ABCA12: variants seen among roughly 807,000 people sequenced by gnomAD.
The protein encoded by ABCA12 is ATP binding cassette subfamily A member 12.
In ABCA12, 156 loss-of-function variants were observed where a neutral mutation model predicts 293.5. That is an observed-to-expected ratio of 0.53 (90% CI 0.47 to 0.61). The LOEUF (loss-of-function observed/expected upper bound fraction) is 0.61. ABCA12 is among the 20% of genes least tolerant of loss of function. The pLI is 0.00. For missense variants in ABCA12, 2,797 were observed against 3,090.2 expected (o/e 0.91, Z 2.25); for synonymous variants, 1,063 against 1,108.0 (o/e 0.96, Z 0.81).
intron 2 of ABCA12, chr2:215,075,876 G>GA (rs914530000): frequency 6.7e-5 from 25 of 372,878 alleles, no homozygotes; most frequent in South Asian, 1.8e-4. Context: ...TCATTGTATG[G>GA]AAAAAAAATA....
chr2:215,052,665 C>A, intron 4 of ABCA12, 81 bp from the exon 5 acceptor site: 1 of 1,155,354 alleles, frequency 8.7e-7, no homozygotes, highest in Non-Finnish European at 1.3e-6. Context: ...CCATAAACAT[C>A]ACTTGTGACC....
At chr2:215,002,709 C>T (rs779501009) in intron 20 of ABCA12, among the ~76,000 whole-genome samples, 6 of 151,940 alleles carry the variant, frequency 3.9e-5, no homozygotes, top group Non-Finnish European at 5.9e-5. Context: ...TGGCCTCCAG[C>T]GGCCACTGGA....
chr2:215,022,997 G>T (rs1419728696), intron 11 of ABCA12: 3 of 152,200 alleles, frequency 2.0e-5, no homozygotes, highest in Non-Finnish European at 4.4e-5. Flanking sequence ...AAACACAAAA[G>T]TTCAAGAAGA....
intron 47 of ABCA12, 28 bp from the exon 48 acceptor site, chr2:214,947,584 T>C (rs756939478): frequency 6.2e-7 from 1 of 1,613,096 alleles, no homozygotes; most frequent in South Asian, 1.1e-5. Flanking sequence ...GGAGTTAGGT[T>C]GACCTTCCTG....
At chr2:214,992,998 T>C (rs1209621185) in intron 23 of ABCA12, among the ~76,000 whole-genome samples, 1 of 152,238 alleles carries the variant, frequency 6.6e-6, no homozygotes, top group Non-Finnish European at 1.5e-5. Context: ...AAAAAAATTA[T>C]AGCAAATGCA....
intron 19 of ABCA12, among the ~76,000 whole-genome samples, chr2:215,007,024 C>T (rs1382826153): frequency 2.0e-5 from 3 of 151,834 alleles, no homozygotes; most frequent in Admixed American, 1.3e-4. Context: ...TACAGGCGCC[C>T]GCCACCACAT....
rs1478668704 is a variant in ABCA12, at chr2:215,031,806, TAAAC to T, written c.1061+11_1061+14del. On this transcript the variant is annotated intron_variant, in intron 9 of 52. Transcript: ENST00000272895. ...GCCAAGTTATCTACCTATTTAGAAA[TAAAC>T]AAAGACTTACTGTGCAGCCAGACTG... The T allele has an allele frequency of 6.2e-7, 1 of 1,613,818 alleles. No homozygotes were observed. The highest frequency in any genetic ancestry group is 1.7e-5 in the Admixed American group (1 of 60,024).
chr2:215,083,544 C>G (rs546895375), intron 2 of ABCA12, among the ~76,000 whole-genome samples: 1 of 152,090 alleles, frequency 6.6e-6, no homozygotes, highest in Non-Finnish European at 1.5e-5. Flanking sequence ...ACAAGCAGGA[C>G]AGAATTTACA....
chr2:214,979,231 G>A lies in ABCA12; in HGVS notation c.4741-191C>T, dbSNP rs542522531. 4.3e-4 allele frequency among the ~76,000 whole-genome samples: 65 copies of A among 152,018 alleles called. 1 individual carries two copies. Among genetic ancestry groups the A allele is most frequent in the African/African-American group, 1.4e-3 (56 of 41,458 alleles). ...TACTGGCCCCATTCTCCCATGTCACGCTGTCCCTTCTCTAACCCCCTCCCT... is the reference window on the plus strand; with the variant it reads ...TACTGGCCCCATTCTCCCATGTCACACTGTCCCTTCTCTAACCCCCTCCCT... On this transcript the variant is annotated intron_variant, in intron 31 of 52. Transcript: ENST00000272895.
At chr2:215,056,040 G>A (rs772888671) in intron 3 of ABCA12, among the ~76,000 whole-genome samples, 10 of 151,990 alleles carry the variant, frequency 6.6e-5, no homozygotes, top group Non-Finnish European at 1.3e-4. Context: ...AACACATTTT[G>A]AAGACAAAAG....
At position 214,934,090 on chromosome 2, in the gene ABCA12, G is replaced by T. The variant is rs928244078; in HGVS notation, c.7668C>A (p.Thr2556=). ...GTATATATCTTACCTCTTCCAGAGT[G>T]GTCTGACTCACTAAGAAATTTGTAA... ...LNITNFLVSQ[T]TLEEVFINFA... is the part of the protein sequence containing the mutation. Residue 2556 remains threonine, a synonymous_variant, in exon 52 of 53, where the codon ACC becomes ACA. Coordinates refer to ENST00000272895, the MANE Select transcript of ABCA12 (RefSeq NM_173076.3). The T allele has an allele frequency of 2.5e-6, 4 of 1,613,360 alleles. No individual in the cohort carries two copies. The African/African-American group carries it at 5.3e-5, about 22-fold the overall frequency.
chr2:215,041,058 G>C (rs1367852451), intron 7 of ABCA12, among the ~76,000 whole-genome samples: 2 of 152,004 alleles, frequency 1.3e-5, no homozygotes, highest in African/African-American at 4.8e-5. Flanking sequence ...TAAGCTAGTA[G>C]ATTTCAAGTG....
At chr2:214,940,241 G>A (rs377157133) in intron 50 of ABCA12, among the ~76,000 whole-genome samples, 1 of 152,104 alleles carries the variant, frequency 6.6e-6, no homozygotes, top group Non-Finnish European at 1.5e-5. Flanking sequence ...TTTGTCATTG[G>A]TTCTGTTTAT....
chr2:215,112,333 A>ATT (rs35532740), intron 1 of ABCA12, among the ~76,000 whole-genome samples: 1,784 of 126,654 alleles, frequency 0.014, 66 homozygotes, highest in Middle Eastern at 0.06. Flanking sequence ...ATAGTCAATG[A>ATT]TTTTTTTTTT....
chr2:215,123,557 CAT>C (rs1434049731), intron 1 of ABCA12, among the ~76,000 whole-genome samples: 1 of 152,130 alleles, frequency 6.6e-6, no homozygotes, highest in African/African-American at 2.4e-5. Context: ...CTGCAATAAA[CAT>C]ATGAGTGCAT....
At chr2:215,137,588 A>G (rs898981175) in intron 1 of ABCA12, among the ~76,000 whole-genome samples, 1 of 152,238 alleles carries the variant, frequency 6.6e-6, no homozygotes, top group Non-Finnish European at 1.5e-5. Context: ...TTCTTAAAAC[A>G]TAGCACATAT....
At chr2:214,971,564 T>C (rs1358996440) in intron 36 of ABCA12, among the ~76,000 whole-genome samples, 5 of 152,224 alleles carry the variant, frequency 3.3e-5, no homozygotes, top group African/African-American at 9.6e-5. Flanking sequence ...CCTATTTTTA[T>C]ATTTTATATT....
At chr2:215,102,219 T>C (rs1702373566) in intron 2 of ABCA12, among the ~76,000 whole-genome samples, 3 of 152,242 alleles carry the variant, frequency 2.0e-5, no homozygotes, top group Admixed American at 2.0e-4. Flanking sequence ...AATGAGCATG[T>C]ATATCTATAG....
intron 2 of ABCA12, among the ~76,000 whole-genome samples, chr2:215,091,616 C>T (rs142168251): frequency 0.018 from 2,748 of 152,284 alleles, 99 homozygotes; most frequent in African/African-American, 0.063. Context: ...CCACTCTCGA[C>T]ATTAGAAAAA....
Sources: allele counts gnomAD v4.1 joint callset (sites outside exome capture counted in the v4.1 genomes callset), GRCh38; gene constraint gnomAD v4.1.1; transcripts MANE v1.5; gene names NCBI Gene and HGNC (gene_info 2026-07-23, HGNC 2026-07-21).